Variants in RPTOR observed in about 807,000 individuals in gnomAD.
RPTOR encodes regulatory-associated protein of mTOR.
In RPTOR, 21 loss-of-function variants were observed where a neutral mutation model predicts 169.9. The observed-to-expected ratio is 0.12, with a 90% confidence interval of 0.09 to 0.18. The LOEUF (loss-of-function observed/expected upper bound fraction) is 0.18, where lower values mean the gene tolerates loss of function less well. RPTOR is among the 10% of genes least tolerant of loss of function. The pLI is 1.00. For synonymous variants in RPTOR, 732 were observed against 753.2 expected, an observed-to-expected ratio of 0.97 and a Z score of 0.46; for missense variants, 1,133 against 1,855.9, an observed-to-expected ratio of 0.61 and a Z score of 7.16.
intron 13 of RPTOR, 88 bp from the exon 14 acceptor site, chr17:80,880,327 T>G: frequency 9.1e-7 from 1 of 1,099,750 alleles, no homozygotes; most frequent in South Asian, 1.2e-5. Flanking sequence ...AAGAAGTCCC[T>G]GCCCTTATTC....
At chr17:80,592,693 G>A (rs1170190838) in intron 1 of RPTOR, among the ~76,000 whole-genome samples, 1 of 152,210 alleles carries the variant, frequency 6.6e-6, no homozygotes, top group Non-Finnish European at 1.5e-5. Context: ...AAACATTTAA[G>A]TATTCCCGTG....
intron 16 of RPTOR, 137 bp downstream of exon 16, chr17:80,884,109 A>C: frequency 1.2e-6 from 1 of 847,664 alleles, no homozygotes; most frequent in South Asian, 1.8e-5. Flanking sequence ...AGAGTAGGAC[A>C]GTGGGACCTT....
intron 24 of RPTOR, among the ~76,000 whole-genome samples, chr17:80,930,452 C>G (rs201458174): frequency 4.1e-5 from 6 of 147,682 alleles, no homozygotes; most frequent in Admixed American, 6.8e-5. Context: ...TCATCCTCAG[C>G]TCATCCCCAG....
rs1045497068 is a variant in RPTOR at position 80,964,505 on chromosome 17, C to T, written c.*175C>T. 95 of 645,988 alleles carry T rather than the reference C, an allele frequency of 1.5e-4. No homozygotes were observed. Among genetic ancestry groups the T allele is most frequent in the Admixed American group, 4.0e-4 (16 of 39,524 alleles). 40.0% of individuals were successfully genotyped at this position (645,988 alleles called of 1,614,324 possible). ...ACTCGCTTTTGTCTGTCTTCGCTGT[C>T]GTGTCTGGAATGTCAGGGAAGGGGA... On this transcript the variant is annotated 3_prime_UTR_variant, in exon 34 of 34. Transcript: ENST00000306801.
intron 1 of RPTOR, among the ~76,000 whole-genome samples, chr17:80,552,827 A>T (rs1027551962): frequency 2.0e-5 from 3 of 152,380 alleles, no homozygotes. Context: ...AAAACAAAAC[A>T]AAACAAAACT....
Position 80,545,450 on chromosome 17 carries a change from G to A in RPTOR, c.-180G>A. On this transcript the variant is annotated 5_prime_UTR_variant, in exon 1 of 34. Coordinates refer to ENST00000306801, the MANE Select transcript of RPTOR (RefSeq NM_020761.3). ...CCCCCACCTCCCCACTTCCCGCTCA[G>A]AGTTAGAGATAAGGATCTCAGACTT... 1 of 507,294 alleles carries A rather than the reference G, an allele frequency of 2.0e-6. No individual in the cohort carries two copies. Among genetic ancestry groups the A allele is most frequent in the East Asian group, 3.3e-5 (1 of 30,428 alleles). The allele number at this position is 507,294 out of a possible 1,614,324, so 31.4% of individuals were successfully genotyped here.
intron 2 of RPTOR, among the ~76,000 whole-genome samples, chr17:80,637,784 T>C (rs1321037895): frequency 6.6e-6 from 1 of 152,216 alleles, no homozygotes; most frequent in African/African-American, 2.4e-5. Context: ...AGGGAACGTT[T>C]GGGAGGTCTT....
chr17:80,881,469 G>A (rs1445905769), intron 14 of RPTOR, among the ~76,000 whole-genome samples: 1 of 152,244 alleles, frequency 6.6e-6, no homozygotes, highest in Non-Finnish European at 1.5e-5. Context: ...TCACATGAAC[G>A]GCCCCACCTC....
At position 80,882,698 on chromosome 17, in the gene RPTOR, G is replaced by A. The variant is rs142960088; in HGVS notation, c.1585-721G>A. On this transcript the variant is annotated intron_variant, in intron 14 of 33. Transcript: ENST00000306801. ...GAGGGGAAAGCAAGATGCAGGACAC[G>A]GCAAAAAGCCAAGAAGTTGGCACAC... is the stretch of plus-strand genomic sequence containing the variant. 9.1e-4 allele frequency among the ~76,000 whole-genome samples: 138 copies of A among 152,260 alleles called. 1 individual carries two copies. The highest frequency in any genetic ancestry group is 2.6e-3 in the African/African-American group (107 of 41,534).
chr17:80,637,262 G>T (rs959065415), intron 2 of RPTOR, among the ~76,000 whole-genome samples: 2 of 152,230 alleles, frequency 1.3e-5, no homozygotes, highest in African/African-American at 2.4e-5. Flanking sequence ...CATGCCCAGC[G>T]TGGCTCTGGG....
intron 33 of RPTOR, among the ~76,000 whole-genome samples, chr17:80,963,268 C>A (rs965079005): frequency 4.6e-5 from 7 of 152,076 alleles, no homozygotes; most frequent in Non-Finnish European, 1.0e-4. Context: ...CCAGTCCCGT[C>A]ACTCCGGGAG....
chr17:80,819,935 G>A (rs867901953), intron 7 of RPTOR, among the ~76,000 whole-genome samples: 2 of 152,182 alleles, frequency 1.3e-5, no homozygotes, highest in Non-Finnish European at 1.5e-5. Context: ...CCCATGGAGC[G>A]AGGACCTGAG....
chr17:80,691,771 CTGCTCATTGACCCT>C (rs2065993980), intron 3 of RPTOR, among the ~76,000 whole-genome samples: 1 of 152,164 alleles, frequency 6.6e-6, no homozygotes, highest in Non-Finnish European at 1.5e-5. Flanking sequence ...GGCTCCAGGG[CTGCTCATTGACCCT>C]TGTTCAGCCC....
chr17:80,568,992 G>A (rs1342984792), intron 1 of RPTOR, among the ~76,000 whole-genome samples: 1 of 152,104 alleles, frequency 6.6e-6, no homozygotes, highest in Non-Finnish European at 1.5e-5. Flanking sequence ...CAACTCATCC[G>A]ATGTATTTCA....
chr17:80,736,944 A>G (rs544887290), intron 5 of RPTOR, among the ~76,000 whole-genome samples: 34 of 152,302 alleles, frequency 2.2e-4, no homozygotes, highest in African/African-American at 8.2e-4. Flanking sequence ...CTTTCAAGCA[A>G]TGATTTTCAT....
intron 3 of RPTOR, among the ~76,000 whole-genome samples, chr17:80,644,569 T>G (rs2065579240): frequency 6.6e-6 from 1 of 152,162 alleles, no homozygotes. Flanking sequence ...AAGGAAATAA[T>G]GAAGAATGCA....
Position 80,964,313 on chromosome 17 carries a change from G to A in RPTOR, c.3991G>A (p.Glu1331Lys). The A allele has an allele frequency of 6.2e-7, 1 of 1,608,404 alleles. No individual in the cohort carries two copies. The highest frequency in any genetic ancestry group is 8.5e-7 in the Non-Finnish European group (1 of 1,179,838). ...NDYYISVYSV[E>K]KRVR ...CTACTACATCTCCGTGTACTCGGTG[G>A]AGAAGCGTGTCAGATAGCGGCGTGA... Residue 1331 changes from glutamate (E) to lysine (K), a missense_variant, in exon 34 of 34, where the codon GAG becomes AAG. By Grantham distance (56) the Glu-to-Lys change is moderately conservative. This residue lies in a region of RPTOR where 410 missense variants were observed against 623.7 expected (regional missense o/e 0.66). Coordinates refer to ENST00000306801, the MANE Select transcript of RPTOR (RefSeq NM_020761.3).
chr17:80,817,221 G>A (rs2067333244), intron 7 of RPTOR, among the ~76,000 whole-genome samples: 1 of 152,304 alleles, frequency 6.6e-6, no homozygotes, highest in African/African-American at 2.4e-5. Flanking sequence ...CTAGTCCACA[G>A]TCACAGAGCC....
At chr17:80,603,221 A>G (rs2065203507) in intron 1 of RPTOR, among the ~76,000 whole-genome samples, 1 of 152,250 alleles carries the variant, frequency 6.6e-6, no homozygotes, top group African/African-American at 2.4e-5. Context: ...AATAATTTTA[A>G]ATCTAATTTA....
Sources: allele counts gnomAD v4.1 joint callset (sites outside exome capture counted in the v4.1 genomes callset), GRCh38; gene constraint gnomAD v4.1.1; regional missense constraint gnomAD v4.1.1; transcripts MANE v1.5; gene names NCBI Gene and HGNC (gene_info 2026-07-23, HGNC 2026-07-21).